GATAD2A: variants seen among roughly 807,000 people sequenced by gnomAD.
The protein encoded by GATAD2A is GATA zinc finger domain containing 2A, also known as transcriptional repressor p66-alpha.
A neutral mutation model predicts 68.5 loss-of-function variants in GATAD2A; 12 were observed. The observed-to-expected ratio is 0.18, with a 90% CI of 0.11 to 0.28. The LOEUF (loss-of-function observed/expected upper bound fraction) is 0.28. Among genes scored for constraint, GATAD2A ranks in the 10% least tolerant of loss-of-function variants. The pLI is 1.00. For synonymous variants in GATAD2A, 410 were observed against 375.3 expected (o/e 1.09, Z -1.07); for missense variants, 755 against 868.5 (o/e 0.87, Z 1.64).
At chr19:19,440,332 G>A (rs1049464758) in intron 1 of GATAD2A, 5 of 197,902 alleles carry the variant, frequency 2.5e-5, no homozygotes, top group Admixed American at 6.1e-5. Context: ...GTGGAGTGGC[G>A]CGATCTCAGC....
chr19:19,484,577 C>G (rs1215209053), intron 2 of GATAD2A, among the ~76,000 whole-genome samples: 1 of 132,418 alleles, frequency 7.6e-6, no homozygotes, highest in African/African-American at 2.9e-5. Context: ...GTCGCCCAGG[C>G]TGGAGTGCGC....
Position 19,505,490 on chromosome 19 carries a change from G to A in GATAD2A, c.*16G>A, listed in dbSNP as rs776164878. ...GTGGAAATAGTGCGAGCCAGGCCCC[G>A]TGGAAGACGGGCTCCCTCCTCCCCC... is the stretch of plus-strand genomic sequence containing the variant. On this transcript the variant is annotated 3_prime_UTR_variant, in exon 12 of 12. Coordinates refer to ENST00000683918, the MANE Select transcript of GATAD2A (RefSeq NM_001384528.1). The A allele has an allele frequency of 3.0e-5, 47 of 1,558,832 alleles. No homozygotes were observed. The highest frequency in any genetic ancestry group is 4.9e-5 in the East Asian group (2 of 41,104).
At chr19:19,415,624 T>C (rs1327260153) in intron 1 of GATAD2A, among the ~76,000 whole-genome samples, 1 of 149,306 alleles carries the variant, frequency 6.7e-6, no homozygotes, top group Non-Finnish European at 1.5e-5. Flanking sequence ...TAATATTTTT[T>C]TTTTTTTTTT....
At chr19:19,491,537 C>T (rs2059790253) in intron 2 of GATAD2A, among the ~76,000 whole-genome samples, 1 of 152,212 alleles carries the variant, frequency 6.6e-6, no homozygotes, top group African/African-American at 2.4e-5. Context: ...CCTTGGCATC[C>T]ACGTGGGGCT....
rs111375491 is a variant in GATAD2A at position 19,445,448 on chromosome 19, T to G, written c.-6-19892T>G. Among the ~76,000 whole-genome samples, 336 of 152,380 alleles carry G rather than the reference T, an allele frequency of 2.2e-3. 2 individuals are homozygous for G. The highest frequency in any genetic ancestry group is 0.016 in the South Asian group (78 of 4,834). ...GAATATTCACCAGTTTTAACGTTTT[T>G]AAAGTGTGTTGTTTAGTGGCATTTA... On this transcript the variant is annotated intron_variant, in intron 1 of 11. Transcript: ENST00000683918.
intron 1 of GATAD2A, among the ~76,000 whole-genome samples, chr19:19,463,780 A>G (rs1568308983): frequency 6.6e-6 from 1 of 151,880 alleles, no homozygotes; most frequent in African/African-American, 2.4e-5. Context: ...CCTTGAGGAG[A>G]CCCCAGTGTT....
At chr19:19,477,678 T>G (rs2058766015) in intron 2 of GATAD2A, among the ~76,000 whole-genome samples, 1 of 151,920 alleles carries the variant, frequency 6.6e-6, no homozygotes, top group Admixed American at 6.6e-5. Context: ...GGGCCTTGGG[T>G]TTGGGACCCC....
upstream of GATAD2A, chr19:19,402,159 A>C (rs2049811765): frequency 6.6e-6 from 1 of 152,020 alleles, no homozygotes; most frequent in African/African-American, 2.4e-5. Context: ...CCTGGGCTTG[A>C]GTGATCCTTC....
intron 9 of GATAD2A, 47 bp from the exon 10 acceptor site, chr19:19,501,922 C>T (rs375467577): frequency 1.2e-4 from 175 of 1,476,270 alleles, no homozygotes; most frequent in Non-Finnish European, 1.6e-4. Context: ...CACCCTGGGC[C>T]GGCCAGCGGA....
chr19:19,403,117 CT>C (rs1449512755), upstream of GATAD2A, among the ~76,000 whole-genome samples: 1 of 152,098 alleles, frequency 6.6e-6, no homozygotes, highest in African/African-American at 2.4e-5. Context: ...AGAGAGAAAA[CT>C]TTTAGAAAAC....
chr19:19,392,723 G>C (rs992665454), intron 1 of GATAD2A, among the ~76,000 whole-genome samples: 1 of 143,250 alleles, frequency 7.0e-6, no homozygotes, highest in African/African-American at 2.6e-5. Flanking sequence ...ACAGAGCAGA[G>C]TCTTGCTCTG....
intron 1 of GATAD2A, among the ~76,000 whole-genome samples, chr19:19,447,199 C>T (rs2055829483): frequency 6.6e-6 from 1 of 152,112 alleles, no homozygotes; most frequent in Admixed American, 6.5e-5. Context: ...GCGTTTCTCA[C>T]TTTGCATTAT....
rs771646105 is a variant in GATAD2A at position 19,492,484 on chromosome 19, C to T, written c.402+46C>T. On this transcript the variant is annotated intron_variant, in intron 3 of 11. Transcript: ENST00000683918. ...GCCGCCGGAGCCCCACTGTGCCCTT[C>T]CTACTCATGACACCCTCAGGTGGAG... The T allele has an allele frequency of 6.2e-6, 10 of 1,612,962 alleles. No individual in the cohort carries two copies. The African/African-American group carries it at 8.0e-5, about 13-fold the overall frequency.
rs2060823130 is a variant in GATAD2A, at chr19:19,505,401, T to C, written c.1832T>C (p.Val611Ala). Residue 611 changes from valine (V) to alanine (A), a missense_variant, in exon 12 of 12, where the codon GTG becomes GCG. Coordinates refer to ENST00000683918, the MANE Select transcript of GATAD2A (RefSeq NM_001384528.1). ...GCGGTGCACAAGAGCTCCTCGGCCGTGGACCGCCAGCGAGAGTACCTCCTG... is the reference window on the plus strand; with the variant it reads ...GCGGTGCACAAGAGCTCCTCGGCCGCGGACCGCCAGCGAGAGTACCTCCTG... ...SLAVHKSSSA[V>A]DRQREYLLDM... is the part of the protein sequence containing the mutation. 2 of 1,612,960 alleles carry C rather than the reference T, an allele frequency of 1.2e-6. No individual in the cohort carries two copies. The highest frequency in any genetic ancestry group is 1.1e-5 in the South Asian group (1 of 90,952).
At chr19:19,481,024 C>T (rs910291292) in intron 2 of GATAD2A, among the ~76,000 whole-genome samples, 2 of 152,156 alleles carry the variant, frequency 1.3e-5, no homozygotes, top group African/African-American at 4.8e-5. Context: ...TGTGTATTGG[C>T]GAGGAAGCTG....
intron 2 of GATAD2A, among the ~76,000 whole-genome samples, chr19:19,485,497 A>G (rs1292009750): frequency 1.3e-5 from 2 of 151,894 alleles, no homozygotes; most frequent in Admixed American, 6.6e-5. Context: ...CATCTCCCCC[A>G]CTATAGCGGG....
intron 1 of GATAD2A, among the ~76,000 whole-genome samples, chr19:19,411,795 CA>C (rs1341896692): frequency 6.6e-6 from 1 of 152,180 alleles, no homozygotes; most frequent in African/African-American, 2.4e-5. Flanking sequence ...ACCTCAGAGC[CA>C]AAAAGCTTTC....
intron 1 of GATAD2A, among the ~76,000 whole-genome samples, chr19:19,414,530 CTTTTTT>C (rs758728889): frequency 4.3e-5 from 3 of 70,206 alleles, no homozygotes; most frequent in Non-Finnish European, 8.0e-5. Flanking sequence ...AGGGCCTTGT[CTTTTTT>C]TTTTTTTTTT....
At chr19:19,397,959 A>C (rs2049388482) in intron 1 of GATAD2A, among the ~76,000 whole-genome samples, 1 of 152,198 alleles carries the variant, frequency 6.6e-6, no homozygotes, top group South Asian at 2.1e-4. Flanking sequence ...GCTGGAGTGC[A>C]GTGGCGTGAT....
Sources: allele counts gnomAD v4.1 joint callset (sites outside exome capture counted in the v4.1 genomes callset), GRCh38; gene constraint gnomAD v4.1.1; transcripts MANE v1.5; gene names NCBI Gene and HGNC (gene_info 2026-07-23, HGNC 2026-07-21).